TRDN: variants seen among roughly 807,000 people sequenced by gnomAD.
The protein encoded by TRDN is triadin in skeletal muscle.
A neutral mutation model predicts 149.7 loss-of-function variants in TRDN; 161 were observed. The observed-to-expected ratio is 1.08, with a 90% CI of 0.95 to 1.23. The LOEUF is 1.23. Ranked by LOEUF, TRDN falls within the 50% of genes most tolerant of loss-of-function variation. TRDN has a pLI of 0.00. For synonymous variants in TRDN, 294 were observed against 250.5 expected (o/e 1.17, Z -1.64); for missense variants, 896 against 823.5 (o/e 1.09, Z -1.08).
chr6:123,296,700 C>T (rs1049350683), intron 24 of TRDN, among the ~76,000 whole-genome samples: 2 of 151,888 alleles, frequency 1.3e-5, no homozygotes, highest in Non-Finnish European at 2.9e-5. Flanking sequence ...ATCAAATGTG[C>T]TGTAAAAAGT....
chr6:123,630,958 G>A (rs574120356), intron 1 of TRDN, among the ~76,000 whole-genome samples: 1 of 151,964 alleles, frequency 6.6e-6, no homozygotes, highest in Admixed American at 6.6e-5. Flanking sequence ...GTTGAGTAGT[G>A]GAGATAGTGC....
At chr6:123,299,352 T>C (rs1208402347) in intron 24 of TRDN, among the ~76,000 whole-genome samples, 1 of 152,054 alleles carries the variant, frequency 6.6e-6, no homozygotes. Context: ...CCATTATTTG[T>C]CTCAGGTTTG....
intron 24 of TRDN, among the ~76,000 whole-genome samples, chr6:123,284,440 A>C (rs944741587): frequency 1.3e-5 from 2 of 152,030 alleles, no homozygotes; most frequent in Non-Finnish European, 2.9e-5. Context: ...TAGACACAGA[A>C]AAAGCATTTG....
intron 1 of TRDN, among the ~76,000 whole-genome samples, chr6:123,580,851 T>C (rs1267833767): frequency 6.6e-6 from 1 of 152,222 alleles, no homozygotes; most frequent in African/African-American, 2.4e-5. Context: ...CCTCACAGTT[T>C]GCACTTGAAG....
intron 22 of TRDN, among the ~76,000 whole-genome samples, chr6:123,336,142 T>G (rs551536551): frequency 1.3e-5 from 2 of 152,024 alleles, no homozygotes; most frequent in African/African-American, 4.8e-5. Context: ...TTTTATAAGG[T>G]CTACACTCAA....
intron 16 of TRDN, among the ~76,000 whole-genome samples, chr6:123,380,509 T>C (rs1178035298): frequency 6.6e-6 from 1 of 152,176 alleles, no homozygotes; most frequent in Non-Finnish European, 1.5e-5. Context: ...AGTTGTAGTA[T>C]AATTTCACGA....
chr6:123,450,089 C>T (rs1172671392), intron 10 of TRDN, among the ~76,000 whole-genome samples: 2 of 152,116 alleles, frequency 1.3e-5, no homozygotes, highest in Non-Finnish European at 2.9e-5. Flanking sequence ...TGAAACAAAT[C>T]CTGGAAACAC....
chr6:123,630,683 C>A (rs1405937955), intron 1 of TRDN, among the ~76,000 whole-genome samples: 1 of 151,700 alleles, frequency 6.6e-6, no homozygotes, highest in Non-Finnish European at 1.5e-5. Flanking sequence ...AAAAATAGTT[C>A]CTATTACAAA....
At chr6:123,348,557 A>C (rs1033426480) in intron 21 of TRDN, among the ~76,000 whole-genome samples, 4 of 152,072 alleles carry the variant, frequency 2.6e-5, no homozygotes, top group African/African-American at 9.7e-5. Flanking sequence ...GCTAATCTGT[A>C]AATAAAAGAA....
At chr6:123,539,975 G>A (rs952583636) in intron 4 of TRDN, among the ~76,000 whole-genome samples, 11 of 152,158 alleles carry the variant, frequency 7.2e-5, no homozygotes, top group Non-Finnish European at 1.3e-4. Flanking sequence ...TTAGCAAATC[G>A]GAGATGGGAG....
intron 4 of TRDN, among the ~76,000 whole-genome samples, chr6:123,540,912 T>A (rs1023859961): frequency 1.3e-5 from 2 of 152,220 alleles, no homozygotes; most frequent in African/African-American, 4.8e-5. Flanking sequence ...AGCTTTCTGT[T>A]ATGCTTTTTT....
rs557612542 is a variant in TRDN at position 123,389,979 on chromosome 6, T to C, written c.1106-1428A>G. Among the ~76,000 whole-genome samples the C allele has an allele frequency of 1.3e-3, 193 of 152,254 alleles. 1 individual carries two copies. The highest frequency in any genetic ancestry group is 2.3e-3 in the Non-Finnish European group (156 of 68,016). ...CAGACTTTGTTGTTGATTCTTTACA[T>C]TGAAAATAAGAATTTCCTTCAAAAA... On this transcript the variant is annotated intron_variant, in intron 13 of 40. Transcript: ENST00000334268.
At chr6:123,269,612 A>T (rs190194221) in intron 31 of TRDN, among the ~76,000 whole-genome samples, 262 of 152,102 alleles carry the variant, frequency 1.7e-3, no homozygotes, top group Non-Finnish European at 2.9e-3. Flanking sequence ...TTAATTAATC[A>T]TTAATTATTA....
chr6:123,226,877 A>G (rs1362097314), intron 38 of TRDN, among the ~76,000 whole-genome samples: 1 of 151,858 alleles, frequency 6.6e-6, no homozygotes, highest in Non-Finnish European at 1.5e-5. Context: ...TCGGACTGTC[A>G]GGAAAATGTT....
At chr6:123,435,176 C>T (rs1304857962) in intron 12 of TRDN, among the ~76,000 whole-genome samples, 1 of 150,748 alleles carries the variant, frequency 6.6e-6, no homozygotes, top group African/African-American at 2.4e-5. Flanking sequence ...TAAAATATCA[C>T]AATAACACTC....
chr6:123,542,837 T>C (rs1158841096), intron 4 of TRDN, among the ~76,000 whole-genome samples: 1 of 148,236 alleles, frequency 6.7e-6, no homozygotes, highest in Non-Finnish European at 1.5e-5. Context: ...TTTTTCTTTC[T>C]CTCTGAGTGT....
chr6:123,287,755 A>T (rs182220916), intron 24 of TRDN, among the ~76,000 whole-genome samples: 3 of 152,218 alleles, frequency 2.0e-5, no homozygotes, highest in Admixed American at 2.0e-4. Context: ...ATATGATATG[A>T]AATCAAATTT....
intron 24 of TRDN, among the ~76,000 whole-genome samples, chr6:123,294,277 C>T (rs1277261246): frequency 6.6e-6 from 1 of 152,132 alleles, no homozygotes; most frequent in Non-Finnish European, 1.5e-5. Context: ...CTATATCTGG[C>T]CAACTATCAA....
chr6:123,223,479 C>T (rs1775228236), intron 39 of TRDN, among the ~76,000 whole-genome samples: 2 of 151,704 alleles, frequency 1.3e-5, no homozygotes, highest in African/African-American at 4.8e-5. Flanking sequence ...TATTTTATAG[C>T]AGCCCTAATG....
Sources: allele counts gnomAD v4.1 joint callset (sites outside exome capture counted in the v4.1 genomes callset), GRCh38; gene constraint gnomAD v4.1.1; transcripts MANE v1.5; gene names NCBI Gene and HGNC (gene_info 2026-07-23, HGNC 2026-07-21).